The following ARHGEF18 variants were observed in gnomAD, a reference collection of about 807,000 sequenced individuals.
ARHGEF18 encodes rho guanine nucleotide exchange factor 18.
Under a neutral mutation model 155.7 loss-of-function variants are expected in ARHGEF18, and 93 were observed. The ratio of observed to expected loss-of-function variants is 0.60; its 90% CI spans 0.50 to 0.71. ARHGEF18 has a LOEUF of 0.71. ARHGEF18 is among the 30% of genes least tolerant of loss of function. The pLI is 0.00. For synonymous variants in ARHGEF18, 742 were observed against 753.1 expected, an observed-to-expected ratio of 0.99 and a Z score of 0.24; for missense variants, 1,593 against 1,816.1, an observed-to-expected ratio of 0.88 and a Z score of 2.23.
intron 23 of ARHGEF18, among the ~76,000 whole-genome samples, chr19:7,465,677 G>A (rs1976566504): frequency 6.6e-6 from 1 of 152,126 alleles, no homozygotes; most frequent in African/African-American, 2.4e-5. Flanking sequence ...CCAAAGTGTT[G>A]GGATTATAGG....
At chr19:7,362,137 G>A (rs187991116) in intron 1 of ARHGEF18, among the ~76,000 whole-genome samples, 3 of 29,026 alleles carry the variant, frequency 1.0e-4, no homozygotes, top group African/African-American at 1.0e-3. Flanking sequence ...GAAGGAGAAG[G>A]AGAAGGAGAA....
chr19:7,389,431 A>T (rs1971266065), intron 10 of ARHGEF18, among the ~76,000 whole-genome samples: 1 of 141,224 alleles, frequency 7.1e-6, no homozygotes, highest in African/African-American at 2.7e-5. Flanking sequence ...AAGTGCTGGG[A>T]TTACAGGTGT....
rs776526059 is a variant in ARHGEF18 at position 7,470,145 on chromosome 19, G to A, written c.3933G>A (p.Pro1311=). ...APPPDPGFPA[P]SPPPADSPSE... Reference sequence around the variant, plus strand: ...TTCCAGACCCTGGCTTCCCCGCCCCGAGCCCACCGCCAGCTGACAGCCCCT... The same window carrying A: ...TTCCAGACCCTGGCTTCCCCGCCCCAAGCCCACCGCCAGCTGACAGCCCCT... The change falls in exon 29 of 29, where the codon CCG becomes CCA. Residue 1311 remains proline, a synonymous_variant. Transcript: ENST00000668164. The surrounding 1 kb of genome is among the most constrained non-coding windows in gnomAD (Gnocchi z 5.9). The A allele has an allele frequency of 2.4e-5, 38 of 1,611,948 alleles. No individual in the cohort carries two copies. The highest frequency in any genetic ancestry group is 1.7e-4 in the African/African-American group (13 of 74,840).
At chr19:7,394,343 A>C in intron 10 of ARHGEF18, among the ~76,000 whole-genome samples, 1 of 150,226 alleles carries the variant, frequency 6.7e-6, no homozygotes, top group African/African-American at 2.5e-5. Context: ...TCCCCCCACC[A>C]CTCCCTGATG....
At chr19:7,451,126 G>A (rs374029287) in intron 15 of ARHGEF18, 23 bp from the exon 16 acceptor site, 3 of 1,609,826 alleles carry the variant, frequency 1.9e-6, no homozygotes, top group Middle Eastern at 1.7e-4. Flanking sequence ...TGTTAATACA[G>A]GATCTTGCTT....
chr19:7,472,794 G>C (rs1977101613), downstream of ARHGEF18: 1 of 345,422 alleles, frequency 2.9e-6, no homozygotes, highest in Non-Finnish European at 5.8e-6. Flanking sequence ...CTGCCTCCCG[G>C]GTTCAAGCAC....
the ARHGEF18 span, among the ~76,000 whole-genome samples, chr19:7,479,925 G>A: frequency 0.011 from 1,665 of 152,284 alleles, 19 homozygotes; most frequent in Middle Eastern, 0.024. Flanking sequence ...GGAGCTCTCT[G>A]AACGTTATGC....
At chr19:7,426,063 C>T (rs566141230) in intron 10 of ARHGEF18, among the ~76,000 whole-genome samples, 1 of 152,224 alleles carries the variant, frequency 6.6e-6, no homozygotes, top group South Asian at 2.1e-4. Context: ...CCTATAGTCC[C>T]AGCTACTTGG....
At chr19:7,433,799 C>T (rs1429911532) in intron 10 of ARHGEF18, among the ~76,000 whole-genome samples, 1 of 151,958 alleles carries the variant, frequency 6.6e-6, no homozygotes, top group Non-Finnish European at 1.5e-5. Context: ...GCAGGCGAAT[C>T]ACTTGAGGCC....
intron 1 of ARHGEF18, among the ~76,000 whole-genome samples, chr19:7,352,782 C>T (rs1345368814): frequency 6.7e-6 from 1 of 149,082 alleles, no homozygotes; most frequent in Non-Finnish European, 1.5e-5. Context: ...ATCCGCCCAC[C>T]TCGGCCTCCC....
chr19:7,355,606 C>G (rs948051500), intron 1 of ARHGEF18: 1 of 985,316 alleles, frequency 1.0e-6, no homozygotes, highest in Admixed American at 6.1e-5. Context: ...CACTCAAGCT[C>G]TCACACGCAC....
rs1480444160 is a variant in ARHGEF18, at chr19:7,466,817, A to AT, written c.2905-101_2905-100insT. On this transcript the variant is annotated intron_variant, in intron 23 of 28. Coordinates refer to ENST00000668164, the MANE Select transcript of ARHGEF18 (RefSeq NM_001367823.1). The stretch of plus-strand genomic sequence containing the variant: ...AGAATTCCGTCTCAAAAAAAAAAAA[A>AT]AAAAAAAAAGTTAAAAAAAAAGAAG... 1.1e-3 allele frequency: 1,163 copies of AT among 1,098,350 alleles called. 15 individuals are homozygous for AT. In the African/African-American group the frequency reaches 0.019, roughly 18 times the overall value. The allele number at this position is 1,098,350 out of a possible 1,614,324, so 68.0% of individuals were successfully genotyped here.
chr19:7,374,871 A>G (rs945438674), intron 3 of ARHGEF18, among the ~76,000 whole-genome samples: 2 of 152,178 alleles, frequency 1.3e-5, no homozygotes, highest in African/African-American at 2.4e-5. Context: ...CAGAACGGAA[A>G]TGTGTGAGAC....
At chr19:7,429,930 CT>C (rs899823220) in intron 10 of ARHGEF18, among the ~76,000 whole-genome samples, 36 of 144,478 alleles carry the variant, frequency 2.5e-4, no homozygotes, top group South Asian at 2.2e-4. Context: ...CCTGGAAGTA[CT>C]TTTTTTTTTT....
At chr19:7,452,398 A>C (rs1021314255) in intron 16 of ARHGEF18, among the ~76,000 whole-genome samples, 1 of 152,196 alleles carries the variant, frequency 6.6e-6, no homozygotes, top group African/African-American at 2.4e-5. Context: ...TAAAAGCCAC[A>C]TCCTTGGAGT....
intron 15 of ARHGEF18, among the ~76,000 whole-genome samples, chr19:7,447,825 C>T (rs1394254987): frequency 1.3e-5 from 2 of 152,028 alleles, no homozygotes; most frequent in African/African-American, 2.4e-5. Context: ...AAGATCCTGT[C>T]TCTAAGAAAA....
chr19:7,478,509 C>G, the ARHGEF18 span: 2 of 867,980 alleles, frequency 2.3e-6, no homozygotes, highest in Admixed American at 2.1e-5. Flanking sequence ...TCCCTGCCCC[C>G]ACAGTCCCAC....
chr19:7,431,510 C>CA (rs34609858), intron 10 of ARHGEF18, among the ~76,000 whole-genome samples: 26,997 of 50,746 alleles, frequency 0.53, 7,233 homozygotes, highest in South Asian at 0.67. Flanking sequence ...GACTCCATCT[C>CA]AAAAAAAAAA....
rs142603038 is a variant in ARHGEF18 at position 7,373,290 on chromosome 19, G to A, written c.275+219G>A. ...ACAATTCAAGCACATTCCATTTATC[G>A]TGCACTTTATTTATATTACGTTGTA... On this transcript the variant is annotated intron_variant, in intron 3 of 28. Coordinates refer to ENST00000668164, the MANE Select transcript of ARHGEF18 (RefSeq NM_001367823.1). Among the ~76,000 whole-genome samples, 14 of 152,226 alleles carry A rather than the reference G, an allele frequency of 9.2e-5. No homozygotes were observed. The East Asian group carries it at 1.2e-3, about 13-fold the overall frequency.
Sources: gnomAD v4.1 joint callset for allele counts (sites outside exome capture counted in the v4.1 genomes callset) on GRCh38, gnomAD v4.1.1 for gene constraint, Gnocchi (gnomAD v3.1) non-coding constraint, MANE v1.5 for transcripts, NCBI Gene and HGNC (gene_info 2026-07-23, HGNC 2026-07-21) for gene names.